The following CNRIP1 variants were observed in gnomAD, a reference collection of about 807,000 sequenced individuals.
The protein encoded by CNRIP1 is cannabinoid receptor interacting protein 1.
In CNRIP1, 10 loss-of-function variants were observed where a neutral mutation model predicts 15.2. That is an observed-to-expected ratio of 0.66 (90% CI 0.41 to 1.12). The LOEUF is 1.12. CNRIP1 is among the 50% of genes most tolerant of loss of function. The pLI, the probability that CNRIP1 is intolerant of heterozygous loss-of-function variation, is 0.00. For synonymous variants in CNRIP1, 91 were observed against 83.2 expected (o/e 1.09, Z -0.51); for missense variants, 211 against 214.7 (o/e 0.98, Z 0.11).
chr2:68,302,040 A>G (rs1291431888), intron 2 of CNRIP1, among the ~76,000 whole-genome samples: 3 of 152,012 alleles, frequency 2.0e-5, no homozygotes, highest in Non-Finnish European at 2.9e-5. Context: ...AATTATCTTT[A>G]TTATTTCACC....
At chr2:68,295,948 A>T (rs1436648808) in intron 2 of CNRIP1, among the ~76,000 whole-genome samples, 1 of 152,210 alleles carries the variant, frequency 6.6e-6, no homozygotes, top group Non-Finnish European at 1.5e-5. Flanking sequence ...GCTATAAGAA[A>T]ACAGGTATTC....
At chr2:68,290,622 C>A (rs1052254797), downstream of CNRIP1, among the ~76,000 whole-genome samples, 1 of 152,174 alleles carries the variant, frequency 6.6e-6, no homozygotes, top group African/African-American at 2.4e-5. Context: ...TCATGTTCTA[C>A]TTCCAATTTC....
At chr2:68,312,077 ACT>A (rs1267875458) in intron 2 of CNRIP1, among the ~76,000 whole-genome samples, 1 of 152,102 alleles carries the variant, frequency 6.6e-6, no homozygotes, top group Admixed American at 6.5e-5. Flanking sequence ...TTCTATATAA[ACT>A]CTTCCAGAAA....
In CNRIP1 at chr2:68,296,890, C is replaced by T. The variant is rs148827502; in HGVS notation, c.331-2864G>A. On this transcript the variant is annotated intron_variant, in intron 2 of 2. Coordinates refer to ENST00000263655, the MANE Select transcript of CNRIP1 (RefSeq NM_015463.3). ...TCCTGACCTCGTGATCCACCCACCTCGGCCTCCCAAAGTGCTGGCGTGAGC... is the reference window on the plus strand; with the variant it reads ...TCCTGACCTCGTGATCCACCCACCTTGGCCTCCCAAAGTGCTGGCGTGAGC... Among the ~76,000 whole-genome samples the T allele has an allele frequency of 1.3e-4, 20 of 152,208 alleles. No individual in the cohort carries two copies. The East Asian group carries it at 3.5e-3, about 26-fold the overall frequency.
chr2:68,284,374 GAAAAA>G, exon 3 of CNRIP1: 1 of 934,636 alleles, frequency 1.1e-6, no homozygotes, highest in African/African-American at 1.7e-5. Context: ...AAATAATTTG[GAAAAA>G]AAAAAAAGAA....
intron 2 of CNRIP1, among the ~76,000 whole-genome samples, chr2:68,305,023 TC>T (rs1417498571): frequency 6.6e-5 from 10 of 152,012 alleles, no homozygotes; most frequent in Non-Finnish European, 1.5e-4. Context: ...GGGGTGTGGA[TC>T]ACCTGAGGTT....
chr2:68,288,541 T>C (rs1008646839), downstream of CNRIP1, among the ~76,000 whole-genome samples: 3 of 152,136 alleles, frequency 2.0e-5, no homozygotes, highest in African/African-American at 7.2e-5. Flanking sequence ...AAGTGGGAAA[T>C]GAAATACCCT....
At chr2:68,295,455 A>T (rs1392265882) in intron 2 of CNRIP1, among the ~76,000 whole-genome samples, 1 of 152,164 alleles carries the variant, frequency 6.6e-6, no homozygotes, top group East Asian at 1.9e-4. Context: ...GACCTATATA[A>T]GCATACAGCA....
intron 2 of CNRIP1, chr2:68,316,930 T>G: frequency 1.6e-6 from 1 of 629,842 alleles, no homozygotes; most frequent in Non-Finnish European, 2.9e-6. Flanking sequence ...ACCATCTGCT[T>G]CTGCTTATGG....
At chr2:68,312,495 C>T (rs536603476) in intron 2 of CNRIP1, among the ~76,000 whole-genome samples, 3 of 152,162 alleles carry the variant, frequency 2.0e-5, no homozygotes, top group Admixed American at 6.5e-5. Flanking sequence ...AATAAAGAAC[C>T]TTACAGCTAC....
At chr2:68,299,861 CTTCT>C (rs1386870778) in intron 2 of CNRIP1, among the ~76,000 whole-genome samples, 2 of 152,200 alleles carry the variant, frequency 1.3e-5, no homozygotes, top group Admixed American at 1.3e-4. Context: ...CTCGAGTGTA[CTTCT>C]TTCTATTCAC....
chr2:68,291,977 A>T (rs1009739289), downstream of CNRIP1, among the ~76,000 whole-genome samples: 1 of 151,974 alleles, frequency 6.6e-6, no homozygotes, highest in Non-Finnish European at 1.5e-5. Context: ...TGGCTTGAAA[A>T]CCTGTTTCAC....
At chr2:68,290,973 G>A (rs1337398666), downstream of CNRIP1, among the ~76,000 whole-genome samples, 10 of 152,156 alleles carry the variant, frequency 6.6e-5, no homozygotes, top group African/African-American at 2.2e-4. Context: ...GTAGAGAGAC[G>A]TGGCTACAAC....
intron 2 of CNRIP1, among the ~76,000 whole-genome samples, chr2:68,305,597 C>T (rs1236672553): frequency 2.0e-5 from 3 of 148,864 alleles, no homozygotes; most frequent in Admixed American, 6.7e-5. Context: ...AGATTGAGAC[C>T]ATCCTGGCTA....
At chr2:68,318,781 C>G (rs1672375920) in intron 1 of CNRIP1, among the ~76,000 whole-genome samples, 1 of 152,212 alleles carries the variant, frequency 6.6e-6, no homozygotes, top group Non-Finnish European at 1.5e-5. Context: ...CCTCCTTTCT[C>G]CCTCCTTCAG....
intron 2 of CNRIP1, among the ~76,000 whole-genome samples, chr2:68,306,688 G>A (rs1208450758): frequency 6.6e-6 from 1 of 151,922 alleles, no homozygotes; most frequent in Non-Finnish European, 1.5e-5. Context: ...GGCTGAGGCA[G>A]GAGAATCGCT....
At chr2:68,313,529 G>A (rs1045782379) in intron 2 of CNRIP1, among the ~76,000 whole-genome samples, 4 of 152,128 alleles carry the variant, frequency 2.6e-5, no homozygotes, top group African/African-American at 9.6e-5. Flanking sequence ...TGCAACATAG[G>A]TGAATCTCAA....
chr2:68,291,772 A>C (rs1455419194), downstream of CNRIP1, among the ~76,000 whole-genome samples: 1 of 151,200 alleles, frequency 6.6e-6, no homozygotes, highest in East Asian at 2.0e-4. Flanking sequence ...CCAGCTACTC[A>C]GGAGGCTGAG....
At chr2:68,303,212 G>A (rs528367000) in intron 2 of CNRIP1, among the ~76,000 whole-genome samples, 3 of 152,286 alleles carry the variant, frequency 2.0e-5, no homozygotes, top group East Asian at 3.9e-4. Flanking sequence ...GACAATAATA[G>A]CTAGGATATG....
Sources: allele counts gnomAD v4.1 joint callset (sites outside exome capture counted in the v4.1 genomes callset), GRCh38; gene constraint gnomAD v4.1.1; transcripts MANE v1.5; gene names NCBI Gene and HGNC (gene_info 2026-07-23, HGNC 2026-07-21).